Variants in EPS15L1 observed in about 807,000 individuals in gnomAD.
The protein encoded by EPS15L1 is epidermal growth factor receptor substrate 15-like 1.
Under a neutral mutation model 117.1 loss-of-function variants are expected in EPS15L1, and 43 were observed. The observed-to-expected ratio is 0.37, with a 90% CI of 0.29 to 0.47. The LOEUF (loss-of-function observed/expected upper bound fraction) is 0.47. Among genes scored for constraint, EPS15L1 ranks in the 20% least tolerant of loss-of-function variants. The pLI, the probability that EPS15L1 is intolerant of heterozygous loss-of-function variation, is 0.99. For missense variants in EPS15L1, 981 were observed against 1,164.0 expected (o/e 0.84, Z 2.29); for synonymous variants, 459 against 470.5 (o/e 0.98, Z 0.32).
At chr19:16,412,054 C>T (rs1044852042) in intron 13 of EPS15L1, among the ~76,000 whole-genome samples, 6 of 152,100 alleles carry the variant, frequency 3.9e-5, no homozygotes, top group South Asian at 2.1e-4. Flanking sequence ...AATGTAAATG[C>T]TATGTAAATA....
chr19:16,434,914 A>G (rs1266791140), intron 6 of EPS15L1: 1 of 153,244 alleles, frequency 6.5e-6, no homozygotes, highest in Non-Finnish European at 1.4e-5. Flanking sequence ...ATCAAAATCA[A>G]CTTAAAGTAC....
chr19:16,389,694 AT>A (rs1188853131), intron 19 of EPS15L1, among the ~76,000 whole-genome samples: 1 of 152,228 alleles, frequency 6.6e-6, no homozygotes, highest in African/African-American at 2.4e-5. Context: ...TTTCTAATGT[AT>A]TTAGATGTAT....
Position 16,392,297 on chromosome 19 carries a change from C to T in EPS15L1, c.2103+7G>A, listed in dbSNP as rs1327602762. On this transcript the variant is annotated splice_region_variant and intron_variant, in intron 19 of 23. Coordinates refer to ENST00000455140, the MANE Select transcript of EPS15L1 (RefSeq NM_001258374.3). ...AGCTCTCCCGGGCAACGTCCCACCC[C>T]ACTCACCTTCGAAGGTAAGGAAGGG... 1.2e-6 allele frequency: 2 copies of T among 1,613,952 alleles called. No individual in the cohort carries two copies. The highest frequency in any genetic ancestry group is 3.3e-5 in the Admixed American group (2 of 60,026).
Position 16,417,955 on chromosome 19 carries a change from G to A in EPS15L1, c.1100C>T (p.Pro367Leu). ...DMVPPSERGT[P>L]GPDSSGSLGS... Reference sequence around the variant, plus strand: ...ATGACCAGCACCACTCACCGGGCCGGGCGTGCCTCTCTCCGAAGGCGGGAC... The same window carrying A: ...ATGACCAGCACCACTCACCGGGCCGAGCGTGCCTCTCTCCGAAGGCGGGAC... Residue 367 changes from proline (P) to leucine (L), a missense_variant, in exon 11 of 24, where the codon CCC becomes CTC. By Grantham distance (98) the Pro-to-Leu change is moderately conservative (BLOSUM62 -3). Around this residue, in one of 5 missense-constraint regions of EPS15L1, gnomAD observed 819 missense variants for 949.0 expected, o/e 0.86. Coordinates refer to ENST00000455140, the MANE Select transcript of EPS15L1 (RefSeq NM_001258374.3). The A allele has an allele frequency of 6.2e-7, 1 of 1,613,310 alleles. No homozygotes were observed. Among genetic ancestry groups the A allele is most frequent in the Non-Finnish European group, 8.5e-7 (1 of 1,179,712 alleles).
At chr19:16,448,553 G>T (rs1033969129) in intron 1 of EPS15L1, among the ~76,000 whole-genome samples, 1 of 148,972 alleles carries the variant, frequency 6.7e-6, no homozygotes, top group Non-Finnish European at 1.5e-5. Context: ...AAAAAGGGGG[G>T]GGGAGAAAGG....
chr19:16,450,441 T>A (rs1405195988), intron 1 of EPS15L1, among the ~76,000 whole-genome samples: 1 of 150,512 alleles, frequency 6.6e-6, no homozygotes, highest in South Asian at 2.1e-4. Context: ...CTGTCTGGGC[T>A]GGACGGAGGC....
intron 1 of EPS15L1, among the ~76,000 whole-genome samples, chr19:16,456,383 G>A (rs865818196): frequency 1.3e-5 from 2 of 150,394 alleles, no homozygotes; most frequent in African/African-American, 2.5e-5. Flanking sequence ...CAGGCCAGGC[G>A]TGGTGGCTCA....
intron 6 of EPS15L1, among the ~76,000 whole-genome samples, chr19:16,436,318 G>A (rs1269458178): frequency 6.6e-6 from 1 of 152,198 alleles, no homozygotes; most frequent in Admixed American, 6.5e-5. Flanking sequence ...GTTACTTGGA[G>A]GGACCATGCT....
At chr19:16,410,408 C>T (rs996533369) in intron 13 of EPS15L1, among the ~76,000 whole-genome samples, 1 of 152,130 alleles carries the variant, frequency 6.6e-6, no homozygotes. Context: ...TAGTACACTG[C>T]TTATGGGAAT....
At position 16,404,990 on chromosome 19, in the gene EPS15L1, G is replaced by GGT. The variant is rs1013431940; in HGVS notation, c.1267-243_1267-242dup. Among the ~76,000 whole-genome samples the GGT allele has an allele frequency of 1.3e-5, 2 of 152,238 alleles. No homozygotes were observed. Among genetic ancestry groups the GGT allele is most frequent in the African/African-American group, 4.8e-5 (2 of 41,458 alleles). On this transcript the variant is annotated intron_variant, in intron 13 of 23. Transcript: ENST00000455140. This position sits in a 1 kb window ranked among gnomAD's most constrained non-coding sequence, Gnocchi z 4.2. ...TTTCCCGATGGCCTAACAGAGGCCA[G>GGT]GTGCGAGAGAAGGGGCTGGGTCCCT...
intron 1 of EPS15L1, among the ~76,000 whole-genome samples, chr19:16,455,812 C>T (rs1258165317): frequency 1.3e-5 from 2 of 152,182 alleles, no homozygotes; most frequent in Non-Finnish European, 2.9e-5. Context: ...CGCCCTCCTT[C>T]CACTGGCTCC....
chr19:16,388,490 G>A (rs1024293345), intron 19 of EPS15L1, among the ~76,000 whole-genome samples: 1 of 152,178 alleles, frequency 6.6e-6, no homozygotes, highest in African/African-American at 2.4e-5. Context: ...AAAGTAGCCA[G>A]AGAAAAACCA....
chr19:16,377,148 G>A lies in EPS15L1; in HGVS notation c.2354C>T (p.Ala785Val), dbSNP rs1051355415. The change falls in exon 22 of 24, where the codon GCT (alanine) becomes GTT (valine). Residue 785 changes from alanine (A) to valine (V), a missense_variant. By Grantham distance (64) the Ala-to-Val change is moderately conservative. Transcript: ENST00000455140. ...GCTGGGCGGTTTAGGCCGTGGAGGA[G>A]CAGGTTTCTTCGGAGGCAGAGCAGG... The part of the protein sequence containing the change: ...DTPALPPKKP[A>V]PPRPKPPSGK... The A allele has an allele frequency of 6.2e-7, 1 of 1,608,880 alleles. No individual in the cohort carries two copies. Among genetic ancestry groups the A allele is most frequent in the Non-Finnish European group, 8.5e-7 (1 of 1,177,920 alleles).
chr19:16,361,778 C>A lies in EPS15L1; in HGVS notation c.2586+1G>T. ...GCCCGGAGGCGGAGGACTCAACTTA[C>A]AGAGGTGAAGTCTGCAAAGCCCGAG... On this transcript the variant is annotated splice_donor_variant, in intron 23 of 23. Transcript: ENST00000455140. LOFTEE classifies it high-confidence loss of function. The A allele has an allele frequency of 6.2e-7, 1 of 1,612,226 alleles. No individual in the cohort carries two copies. Among genetic ancestry groups the A allele is most frequent in the Non-Finnish European group, 8.5e-7 (1 of 1,179,334 alleles).
chr19:16,403,587 C>G, intron 15 of EPS15L1, 146 bp downstream of exon 15: 1 of 748,074 alleles, frequency 1.3e-6, no homozygotes. Context: ...CTTGGCCCTG[C>G]GCCTCCAGGC....
Position 16,362,000 on chromosome 19 carries a change from G to GAAA in EPS15L1, c.2381-19_2381-17dup. 7.3e-7 allele frequency: 1 copy of GAAA among 1,375,472 alleles called. No homozygotes were observed. Among genetic ancestry groups the GAAA allele is most frequent in the Admixed American group, 2.3e-5 (1 of 42,936 alleles). 85.2% of individuals were successfully genotyped at this position (1,375,472 alleles called of 1,614,324 possible). ...GTACTTTTACCTGGAAAGTTTAGGA[G>GAAA]AAAAAAAAAAGGAGAAAGAAAGAAA... On this transcript the variant is annotated splice_polypyrimidine_tract_variant and intron_variant, in intron 22 of 23. Transcript: ENST00000455140.
In EPS15L1 at chr19:16,425,207, A is replaced by G. The variant is rs868107354; in HGVS notation, c.668T>C (p.Val223Ala). The G allele has an allele frequency of 3.8e-6, 6 of 1,590,482 alleles. No homozygotes were observed. The African/African-American group carries it at 6.8e-5, about 18-fold the overall frequency. Residue 223 changes from valine (V) to alanine (A), a missense_variant, in exon 9 of 24, where the codon GTC becomes GCC. By Grantham distance (64) the Val-to-Ala change is moderately conservative (BLOSUM62 0). This residue lies in a region of EPS15L1 where 819 missense variants were observed against 949.0 expected (regional missense o/e 0.86). Transcript: ENST00000455140. ...KRKKTVFPGA[V>A]PVLPASPPPK... is the part of the protein sequence containing the mutation. ...TGGGGGGCTGGCAGGCAGGACGGGG[A>G]CGGCGCCAGGGAACACAGTCTTCTT... is the stretch of plus-strand genomic sequence containing the variant.
Position 16,381,004 on chromosome 19 carries a change from G to A in EPS15L1, c.2248-3750C>T, listed in dbSNP as rs2092356153. ...CAGAACAGGGAGGTGGCCCCTCTAA[G>A]AGGCAGCCTACCCATTCCAGGTCCC... On this transcript the variant is annotated intron_variant, in intron 21 of 23. Transcript: ENST00000455140. This position sits in a 1 kb window ranked among gnomAD's most constrained non-coding sequence, Gnocchi z 4.2. Among the ~76,000 whole-genome samples, 1 of 152,210 alleles carries A rather than the reference G, an allele frequency of 6.6e-6. No homozygotes were observed. The highest frequency in any genetic ancestry group is 1.5e-5 in the Non-Finnish European group (1 of 68,026).
intron 12 of EPS15L1, among the ~76,000 whole-genome samples, chr19:16,416,830 T>C (rs1360758076): frequency 6.6e-6 from 1 of 151,978 alleles, no homozygotes; most frequent in Non-Finnish European, 1.5e-5. Context: ...GATGTCATTC[T>C]TGAAGAGGAT....
Sources: allele counts gnomAD v4.1 joint callset (sites outside exome capture counted in the v4.1 genomes callset), GRCh38; gene constraint gnomAD v4.1.1; regional missense constraint gnomAD v4.1.1; non-coding constraint Gnocchi (gnomAD v3.1); transcripts MANE v1.5; gene names NCBI Gene and HGNC (gene_info 2026-07-23, HGNC 2026-07-21).